The following PPARG variants were observed in gnomAD, a reference collection of about 807,000 sequenced individuals.
PPARG encodes the protein peroxisome proliferator activated receptor gamma.
Under a neutral mutation model 39.2 loss-of-function variants are expected in PPARG, and 17 were observed. That is an observed-to-expected ratio of 0.43 (90% CI 0.30 to 0.65). The LOEUF (loss-of-function observed/expected upper bound fraction) is 0.65, where lower values mean the gene tolerates loss of function less well. PPARG is among the 30% of genes least tolerant of loss of function. The probability of loss-of-function intolerance (pLI) is 0.13; values close to 1 mark genes in which losing one functional copy is unlikely to be tolerated. For missense variants in PPARG, 406 were observed against 585.9 expected (o/e 0.69, Z 3.17); for synonymous variants, 223 against 215.7 (o/e 1.03, Z -0.30).
At chr3:12,402,646 C>A (rs1575119936) in intron 5 of PPARG, among the ~76,000 whole-genome samples, 1 of 152,144 alleles carries the variant, frequency 6.6e-6, no homozygotes, top group East Asian at 1.9e-4. Context: ...CTGTCCCAAA[C>A]CCCAGGTTTT....
intron 7 of PPARG, among the ~76,000 whole-genome samples, chr3:12,422,779 G>T (rs551919044): frequency 6.6e-6 from 1 of 151,952 alleles, no homozygotes; most frequent in Non-Finnish European, 1.5e-5. Flanking sequence ...CTACTCTGGA[G>T]GCTGAGGCAG....
intron 4 of PPARG, among the ~76,000 whole-genome samples, chr3:12,386,911 G>A (rs374525976): frequency 2.8e-5 from 3 of 105,624 alleles, no homozygotes; most frequent in Non-Finnish European, 5.4e-5. Context: ...GATGTTCCCC[G>A]CCCTGTGTCC....
intron 2 of PPARG, among the ~76,000 whole-genome samples, chr3:12,339,604 C>T (rs1186074766): frequency 1.3e-5 from 2 of 152,166 alleles, no homozygotes; most frequent in African/African-American, 4.8e-5. Context: ...TTTAGTGGAA[C>T]CAAAGAATGG....
At chr3:12,341,222 A>G (rs2048175492) in intron 2 of PPARG, among the ~76,000 whole-genome samples, 1 of 151,970 alleles carries the variant, frequency 6.6e-6, no homozygotes, top group Non-Finnish European at 1.5e-5. Context: ...GAACCATGGG[A>G]TGGGTGTCCC....
chr3:12,348,985 T>C (rs17036328), intron 2 of PPARG, among the ~76,000 whole-genome samples: 20,370 of 152,190 alleles, frequency 0.13, 1,429 homozygotes, highest in African/African-American at 0.17. Context: ...GTGCATGTCT[T>C]ATAAATTCTC....
chr3:12,430,616 G>C (rs1051781062), intron 7 of PPARG, among the ~76,000 whole-genome samples: 1 of 152,176 alleles, frequency 6.6e-6, no homozygotes, highest in Admixed American at 6.5e-5. Flanking sequence ...CCCTTGGCAC[G>C]ATCTTTGGAA....
At chr3:12,417,888 CTTTTT>C (rs1240237792) in intron 7 of PPARG, among the ~76,000 whole-genome samples, 2 of 64,066 alleles carry the variant, frequency 3.1e-5, no homozygotes, top group Admixed American at 1.6e-4. Flanking sequence ...TTTTTTTTTT[CTTTTT>C]TTTTTTTCCT....
At chr3:12,354,762 A>T (rs2048605555) in intron 2 of PPARG, among the ~76,000 whole-genome samples, 1 of 151,792 alleles carries the variant, frequency 6.6e-6, no homozygotes, top group South Asian at 2.1e-4. Context: ...TCAAAAAAAA[A>T]AAAAAAAAAG....
chr3:12,405,342 T>C (rs937703739), intron 5 of PPARG, among the ~76,000 whole-genome samples: 2 of 152,246 alleles, frequency 1.3e-5, no homozygotes, highest in East Asian at 1.9e-4. Context: ...AAGTGCTCTC[T>C]GGACTAGTAA....
rs71628752 is a variant in PPARG at position 12,359,674 on chromosome 3, C to CT, written c.-8-20012dup. 3.6e-3 allele frequency among the ~76,000 whole-genome samples: 465 copies of CT among 129,804 alleles called. 2 individuals carry two copies. Among genetic ancestry groups the CT allele is most frequent in the Middle Eastern group, 7.9e-3 (2 of 254 alleles). The allele number at this position is 129,804 out of a possible 152,430, so 85.2% of individuals were successfully genotyped here. A position where few individuals can be genotyped will look rare whatever the true frequency, so the allele number is the denominator to read the frequency against. Reference sequence around the variant, plus strand: ...ACTTTTCCTACTTACTCTTTTATTTCTTTTTTTTTTTTTTTTTTGAGACAG... The same window carrying CT: ...ACTTTTCCTACTTACTCTTTTATTTCTTTTTTTTTTTTTTTTTTTGAGACAG... On this transcript the variant is annotated intron_variant, in intron 2 of 7. Coordinates refer to ENST00000651735, the MANE Select transcript of PPARG (RefSeq NM_138711.6).
upstream of PPARG, chr3:12,288,031 G>C (rs1346433300): frequency 6.6e-6 from 1 of 152,094 alleles, no homozygotes; most frequent in African/African-American, 2.4e-5. Flanking sequence ...GTCAGAGTAC[G>C]GGTGCCCGCG....
intron 2 of PPARG, among the ~76,000 whole-genome samples, chr3:12,377,191 A>G (rs2125163668): frequency 6.6e-6 from 1 of 152,330 alleles, no homozygotes; most frequent in African/African-American, 2.4e-5. Flanking sequence ...TGTGGCATAC[A>G]TGATATTGGG....
chr3:12,416,521 C>T (rs1267758980), intron 6 of PPARG, among the ~76,000 whole-genome samples, 183 bp from the exon 7 acceptor site: 3 of 152,110 alleles, frequency 2.0e-5, no homozygotes, highest in Non-Finnish European at 2.9e-5. Flanking sequence ...TATGTTTGGT[C>T]CCAGAAGATA....
chr3:12,414,892 C>A (rs754606628), intron 6 of PPARG, among the ~76,000 whole-genome samples: 5 of 152,152 alleles, frequency 3.3e-5, no homozygotes, highest in Non-Finnish European at 1.5e-5. Context: ...AAAGTAAAAA[C>A]TTCCAGAATA....
intron 2 of PPARG, among the ~76,000 whole-genome samples, chr3:12,354,167 T>C (rs1338281393): frequency 6.6e-6 from 1 of 152,142 alleles, no homozygotes; most frequent in Non-Finnish European, 1.5e-5. Context: ...AACATTTAGA[T>C]AACTGACCAA....
At chr3:12,294,342 T>A (rs1001446419) in intron 1 of PPARG, among the ~76,000 whole-genome samples, 16 of 152,210 alleles carry the variant, frequency 1.1e-4, no homozygotes, top group Non-Finnish European at 1.9e-4. Flanking sequence ...AACTAAGAAA[T>A]GTAATCACAG....
At chr3:12,398,003 T>C (rs1196833094) in intron 5 of PPARG, among the ~76,000 whole-genome samples, 1 of 152,154 alleles carries the variant, frequency 6.6e-6, no homozygotes, top group Non-Finnish European at 1.5e-5. Flanking sequence ...GTCTGTCTGT[T>C]CCTTGTGGAA....
intron 6 of PPARG, among the ~76,000 whole-genome samples, chr3:12,407,216 A>G (rs2050703295): frequency 6.6e-6 from 1 of 152,090 alleles, no homozygotes; most frequent in South Asian, 2.1e-4. Context: ...GCTGGAATGC[A>G]GTGGCGTGAT....
chr3:12,327,584 C>T (rs1459876601), intron 2 of PPARG, among the ~76,000 whole-genome samples: 1 of 152,038 alleles, frequency 6.6e-6, no homozygotes, highest in African/African-American at 2.4e-5. Flanking sequence ...AGAGAACTAC[C>T]GAGGCAGCTG....
Sources: allele counts gnomAD v4.1 joint callset (sites outside exome capture counted in the v4.1 genomes callset), GRCh38; gene constraint gnomAD v4.1.1; transcripts MANE v1.5; gene names NCBI Gene and HGNC (gene_info 2026-07-23, HGNC 2026-07-21).